TEX9: variants seen among roughly 807,000 people sequenced by gnomAD.
The protein encoded by TEX9 is testis-expressed protein 9.
In TEX9, 74 loss-of-function variants were observed where a neutral mutation model predicts 59.6. The observed-to-expected ratio is 1.24, with a 90% CI of 1.03 to 1.51. TEX9 has a LOEUF of 1.51. Among genes scored for constraint, TEX9 ranks in the 40% most tolerant of loss-of-function variants. The pLI is 0.00. For synonymous variants in TEX9, 186 were observed against 152.2 expected, an observed-to-expected ratio of 1.22 and a Z score of -1.64; for missense variants, 522 against 447.8, an observed-to-expected ratio of 1.17 and a Z score of -1.49.
intron 1 of TEX9, among the ~76,000 whole-genome samples, chr15:56,347,358 T>A (rs1215291115): frequency 6.6e-6 from 1 of 152,094 alleles, no homozygotes; most frequent in African/African-American, 2.4e-5. Context: ...TCAGGGTATG[T>A]CCTATTGCCA....
intron 3 of TEX9, chr15:56,374,016 A>C (rs1233277839): frequency 2.0e-5 from 3 of 152,016 alleles, no homozygotes; most frequent in Non-Finnish European, 4.4e-5. Context: ...ATATATTTTG[A>C]TAATGGTTAC....
intron 1 of TEX9, among the ~76,000 whole-genome samples, chr15:56,268,665 G>A (rs144779299): frequency 6.6e-6 from 1 of 151,890 alleles, no homozygotes; most frequent in Admixed American, 6.6e-5. Flanking sequence ...TTGCATCCCA[G>A]GGATGAAGCC....
intron 9 of TEX9, chr15:56,396,553 T>C (rs200940348): frequency 1.4e-5 from 2 of 143,804 alleles, no homozygotes; most frequent in East Asian, 2.0e-4. Flanking sequence ...GCATTGGATA[T>C]AGACTTTTGA....
At chr15:56,365,354 G>T, upstream of TEX9, 1 of 1,481,056 alleles carries the variant, frequency 6.8e-7, no homozygotes, top group East Asian at 2.4e-5. Flanking sequence ...CCTGAGAGTG[G>T]GAAGGCGTAG....
At chr15:56,412,235 T>A in intron 9 of TEX9, 67 bp from the exon 10 acceptor site, 2 of 1,462,586 alleles carry the variant, frequency 1.4e-6, no homozygotes, top group Non-Finnish European at 1.9e-6. Context: ...TGGAAGATAC[T>A]GCAAAATGAT....
chr15:56,330,678 C>T (rs973534616), intron 1 of TEX9, among the ~76,000 whole-genome samples: 2 of 150,990 alleles, frequency 1.3e-5, no homozygotes, highest in African/African-American at 4.9e-5. Context: ...AACAGATACA[C>T]AGAAAATAAA....
upstream of TEX9, chr15:56,365,328 C>T (rs372211845): frequency 3.8e-6 from 5 of 1,328,708 alleles, no homozygotes; most frequent in Non-Finnish European, 5.0e-6. Flanking sequence ...AGGCTCGCGC[C>T]GCTCGCAGCA....
upstream of TEX9, among the ~76,000 whole-genome samples, chr15:56,360,581 T>G (rs1404632363): frequency 6.6e-6 from 1 of 152,196 alleles, no homozygotes; most frequent in Non-Finnish European, 1.5e-5. Context: ...GGTACTGTAT[T>G]GTTTATATTT....
intron 1 of TEX9, among the ~76,000 whole-genome samples, chr15:56,262,099 A>T (rs1399469089): frequency 6.6e-6 from 1 of 152,184 alleles, no homozygotes; most frequent in Non-Finnish European, 1.5e-5. Flanking sequence ...ACTAGGGAAA[A>T]CTATGCATCC....
chr15:56,293,805 A>G (rs2045154839), intron 1 of TEX9, among the ~76,000 whole-genome samples: 1 of 152,230 alleles, frequency 6.6e-6, no homozygotes, highest in Non-Finnish European at 1.5e-5. Context: ...ATTTAACACC[A>G]TCCATGACTT....
chr15:56,431,455 C>A (rs1334397073), intron 12 of TEX9: 5 of 1,613,624 alleles, frequency 3.1e-6, no homozygotes, highest in Non-Finnish European at 2.5e-6. Flanking sequence ...ATTAATAAAT[C>A]CTTGCCGCCT....
intron 1 of TEX9, among the ~76,000 whole-genome samples, chr15:56,354,025 G>A (rs147156144): frequency 1.1e-4 from 16 of 152,202 alleles, no homozygotes; most frequent in African/African-American, 3.6e-4. Context: ...TATTCCAAAG[G>A]TAATATGTGT....
At chr15:56,440,500 C>T (rs1221099732) in intron 12 of TEX9, among the ~76,000 whole-genome samples, 1 of 152,080 alleles carries the variant, frequency 6.6e-6, no homozygotes, top group Non-Finnish European at 1.5e-5. Flanking sequence ...GATGTTTATA[C>T]AAAAACCTTT....
intron 1 of TEX9, among the ~76,000 whole-genome samples, chr15:56,333,477 T>TAA (rs35539808): frequency 0.55 from 78,043 of 142,098 alleles, 21,608 homozygotes; most frequent in Non-Finnish European, 0.59. Context: ...TCCTTCATGA[T>TAA]AAAAAAAAAA....
At chr15:56,244,591 C>A (rs1309044998) in intron 1 of TEX9, among the ~76,000 whole-genome samples, 1 of 149,438 alleles carries the variant, frequency 6.7e-6, no homozygotes, top group Non-Finnish European at 1.5e-5. Context: ...CCCCACCCCA[C>A]CCCCTTTCCA....
At chr15:56,414,417 C>A (rs1205313913) in intron 10 of TEX9, among the ~76,000 whole-genome samples, 4 of 151,550 alleles carry the variant, frequency 2.6e-5, no homozygotes, top group African/African-American at 9.8e-5. Flanking sequence ...TCAAGTAGAC[C>A]CCAATGTCTG....
In TEX9 at chr15:56,365,563, T is replaced by C. The variant is rs1596120466; in HGVS notation, c.28-16T>C. 1 of 1,614,098 alleles carries C rather than the reference T, an allele frequency of 6.2e-7. No individual in the cohort carries two copies. Among genetic ancestry groups the C allele is most frequent in the South Asian group, 1.1e-5 (1 of 91,094 alleles). On this transcript the variant is annotated splice_polypyrimidine_tract_variant and intron_variant, in intron 1 of 12. Coordinates refer to ENST00000352903, the Ensembl canonical transcript of TEX9. ...TCCTTTAACTTCGGGTCTGAAAGTCTGTGGCTCTTTTACAGAGAAGCAGCG... is the reference window on the plus strand; with the variant it reads ...TCCTTTAACTTCGGGTCTGAAAGTCCGTGGCTCTTTTACAGAGAAGCAGCG...
chr15:56,314,690 A>G (rs2045710989), intron 1 of TEX9, among the ~76,000 whole-genome samples: 1 of 152,042 alleles, frequency 6.6e-6, no homozygotes, highest in Admixed American at 6.6e-5. Flanking sequence ...GCTGAGTTCA[A>G]TTCCTGGGTA....
At chr15:56,428,956 G>C (rs1352431797) in intron 12 of TEX9, 4 of 566,108 alleles carry the variant, frequency 7.1e-6, no homozygotes, top group Non-Finnish European at 1.2e-5. Flanking sequence ...TCTGATAATT[G>C]TTTACAAGTT....
Sources: gnomAD v4.1 joint callset for allele counts (sites outside exome capture counted in the v4.1 genomes callset) on GRCh38, gnomAD v4.1.1 for gene constraint, MANE v1.5 for transcripts, NCBI Gene and HGNC (gene_info 2026-07-23, HGNC 2026-07-21) for gene names.